The following NIPAL2 variants were observed in gnomAD, a reference collection of about 807,000 sequenced individuals.
NIPAL2 encodes NIPA-like protein 2.
A neutral mutation model predicts 48.9 loss-of-function variants in NIPAL2; 43 were observed. That is an observed-to-expected ratio of 0.88 (90% CI 0.69 to 1.13). NIPAL2 has a LOEUF of 1.13. NIPAL2 is among the 50% of genes most tolerant of loss of function. The probability of loss-of-function intolerance (pLI) is 0.00; values close to 1 mark genes in which losing one functional copy is unlikely to be tolerated. For missense variants in NIPAL2, 446 were observed against 461.4 expected (o/e 0.97, Z 0.31); for synonymous variants, 167 against 174.6 (o/e 0.96, Z 0.34).
chr8:98,259,070 C>CTT lies in NIPAL2; in HGVS notation c.136-4985_136-4984dup, dbSNP rs869220202. On this transcript the variant is annotated intron_variant, in intron 1 of 10. Transcript: ENST00000430223. ...TATGCTGCTGTTCCTTTAAATATTC[C>CTT]TTTTTTTTTTTTTTTTTTTTTTTTG... 6.0e-3 allele frequency among the ~76,000 whole-genome samples: 249 copies of CTT among 41,780 alleles called. 1 individual carries two copies. Among genetic ancestry groups the CTT allele is most frequent in the East Asian group, 0.023 (27 of 1,152 alleles). 27.4% of individuals were successfully genotyped at this position (41,780 alleles called of 152,430 possible).
chr8:98,276,820 T>C (rs1241412161), intron 1 of NIPAL2, among the ~76,000 whole-genome samples: 1 of 151,842 alleles, frequency 6.6e-6, no homozygotes, highest in Admixed American at 6.6e-5. Flanking sequence ...TTGCCCAGGC[T>C]GAAGTGCAGT....
In NIPAL2 at chr8:98,247,952, C is replaced by T. The variant is rs1030778372; in HGVS notation, c.376+4511G>A. ...GTTGATCTGAAAGGAATCTGCCATT[C>T]GGCCTCTCTGTAGTTAATGAACAAG... On this transcript the variant is annotated intron_variant, in intron 3 of 10. Transcript: ENST00000430223. 9.8e-5 allele frequency among the ~76,000 whole-genome samples: 15 copies of T among 152,328 alleles called. 1 individual carries two copies. Among genetic ancestry groups the T allele is most frequent in the Middle Eastern group, 6.8e-3 (2 of 294 alleles).
intron 4 of NIPAL2, chr8:98,231,843 A>C (rs1399449272): frequency 2.0e-5 from 3 of 152,320 alleles, no homozygotes; most frequent in African/African-American, 4.8e-5. Context: ...CATGAAAAAC[A>C]AACTTTCATT....
Position 98,279,750 on chromosome 8 carries a change from A to G in NIPAL2, c.135+14253T>C, listed in dbSNP as rs551838326. Among the ~76,000 whole-genome samples, 198 of 152,376 alleles carry G rather than the reference A, an allele frequency of 1.3e-3. 1 individual carries two copies. Among genetic ancestry groups the G allele is most frequent in the Middle Eastern group, 3.4e-3 (1 of 294 alleles). On this transcript the variant is annotated intron_variant, in intron 1 of 10. Transcript: ENST00000430223. ...TTGTTTCTTTTTCTCAATACAAATG[A>G]AATAAAGCAATGACAATAGTTAGGA...
intron 3 of NIPAL2, among the ~76,000 whole-genome samples, chr8:98,242,780 G>A (rs183126245): frequency 6.6e-4 from 100 of 152,176 alleles, no homozygotes; most frequent in Admixed American, 1.8e-3. Context: ...CACCGCGCCC[G>A]GTCTTTTGCC....
intron 1 of NIPAL2, among the ~76,000 whole-genome samples, chr8:98,287,897 T>A (rs1333343801): frequency 6.6e-6 from 1 of 152,160 alleles, no homozygotes; most frequent in African/African-American, 2.4e-5. Flanking sequence ...GTGTGAACAA[T>A]CATCAACACT....
At chr8:98,277,414 A>G (rs1456274197) in intron 1 of NIPAL2, among the ~76,000 whole-genome samples, 1 of 152,040 alleles carries the variant, frequency 6.6e-6, no homozygotes, top group Non-Finnish European at 1.5e-5. Flanking sequence ...GCACATGTCT[A>G]TAGTCCCAGC....
chr8:98,286,384 G>A (rs1442284625), intron 1 of NIPAL2, among the ~76,000 whole-genome samples: 1 of 152,188 alleles, frequency 6.6e-6, no homozygotes, highest in Non-Finnish European at 1.5e-5. Context: ...CTCAGGGTGG[G>A]TCTCTGAAGA....
chr8:98,287,219 GA>G (rs1277309303), intron 1 of NIPAL2, among the ~76,000 whole-genome samples: 1 of 152,230 alleles, frequency 6.6e-6, no homozygotes, highest in Non-Finnish European at 1.5e-5. Flanking sequence ...CAGGGTCTAT[GA>G]AATATGATGA....
intron 1 of NIPAL2, among the ~76,000 whole-genome samples, chr8:98,261,063 G>T (rs1350932446): frequency 6.6e-6 from 1 of 151,972 alleles, no homozygotes; most frequent in Non-Finnish European, 1.5e-5. Context: ...CTGCAGCTGA[G>T]GGTCCTGTCT....
At chr8:98,229,598 G>A (rs1052035245) in intron 4 of NIPAL2, among the ~76,000 whole-genome samples, 4 of 152,024 alleles carry the variant, frequency 2.6e-5, no homozygotes, top group Admixed American at 6.5e-5. Flanking sequence ...GGCTGGTCTC[G>A]AACTCCTGGT....
chr8:98,263,869 C>A (rs1814531140), intron 1 of NIPAL2, among the ~76,000 whole-genome samples: 2 of 123,952 alleles, frequency 1.6e-5, no homozygotes, highest in Admixed American at 8.3e-5. Flanking sequence ...AACATTGATG[C>A]AAAAATCCTC....
intron 8 of NIPAL2, among the ~76,000 whole-genome samples, chr8:98,200,237 C>G (rs1353048863): frequency 6.6e-6 from 1 of 152,150 alleles, no homozygotes; most frequent in Non-Finnish European, 1.5e-5. Flanking sequence ...TGTTTTGCAA[C>G]CAATTTCCAG....
chr8:98,249,745 T>G (rs1344557834), intron 3 of NIPAL2, among the ~76,000 whole-genome samples: 1 of 147,516 alleles, frequency 6.8e-6, no homozygotes, highest in Non-Finnish European at 1.5e-5. Flanking sequence ...TTTACATTAT[T>G]TAATACAAAT....
intron 3 of NIPAL2, among the ~76,000 whole-genome samples, chr8:98,245,883 G>A (rs1368366567): frequency 1.3e-5 from 2 of 152,134 alleles, no homozygotes; most frequent in Non-Finnish European, 2.9e-5. Context: ...GGACAAACAC[G>A]CAAAAGCAGA....
At chr8:98,217,234 T>C (rs561702244) in intron 5 of NIPAL2, 573 of 985,346 alleles carry the variant, frequency 5.8e-4, no homozygotes, top group Non-Finnish European at 6.7e-4. Flanking sequence ...CTGAGCCTTG[T>C]CTCTGTGAGG....
intron 1 of NIPAL2, among the ~76,000 whole-genome samples, chr8:98,267,186 G>A (rs1814824682): frequency 6.6e-6 from 1 of 152,182 alleles, no homozygotes; most frequent in African/African-American, 2.4e-5. Context: ...TTTCTTAATA[G>A]AGGGATGGTA....
Position 98,282,703 on chromosome 8 carries a change from A to G in NIPAL2, c.135+11300T>C, listed in dbSNP as rs144185384. On this transcript the variant is annotated intron_variant, in intron 1 of 10. Transcript: ENST00000430223. ...CAAAAAAGAAAAGAAAAAAGAAACA[A>G]TATTCATAGCAGCAAACATTGGAGA... Among the ~76,000 whole-genome samples the G allele has an allele frequency of 2.6e-3, 396 of 152,214 alleles. 2 individuals are homozygous for G. The highest frequency in any genetic ancestry group is 9.1e-3 in the African/African-American group (380 of 41,538).
chr8:98,250,560 T>C (rs1813535110), intron 3 of NIPAL2, among the ~76,000 whole-genome samples: 1 of 152,068 alleles, frequency 6.6e-6, no homozygotes, highest in South Asian at 2.1e-4. Context: ...AGGAAATGAG[T>C]TGTGTTTGAG....
Sources: allele counts gnomAD v4.1 joint callset (sites outside exome capture counted in the v4.1 genomes callset), GRCh38; gene constraint gnomAD v4.1.1; transcripts MANE v1.5; gene names NCBI Gene and HGNC (gene_info 2026-07-23, HGNC 2026-07-21).